GARNL3: variants seen among roughly 807,000 people sequenced by gnomAD.
GARNL3 encodes GTPase-activating Rap/Ran-GAP domain-like protein 3.
A neutral mutation model predicts 125.0 loss-of-function variants in GARNL3; 63 were observed. The observed-to-expected ratio is 0.50, with a 90% CI of 0.41 to 0.62. The LOEUF is 0.62. GARNL3 is among the 20% of genes least tolerant of loss of function. The pLI is 0.00. For missense variants in GARNL3, 994 were observed against 1,244.0 expected (o/e 0.80, Z 3.02); for synonymous variants, 439 against 457.5 (o/e 0.96, Z 0.52).
intron 6 of GARNL3, among the ~76,000 whole-genome samples, chr9:127,321,640 A>G (rs560675424): frequency 6.6e-6 from 1 of 152,204 alleles, no homozygotes; most frequent in Non-Finnish European, 1.5e-5. Flanking sequence ...AATGTCAACC[A>G]AACTTTTGTC....
At chr9:127,259,241 C>T (rs535669537), upstream of GARNL3, among the ~76,000 whole-genome samples, 8 of 152,340 alleles carry the variant, frequency 5.3e-5, no homozygotes, top group South Asian at 1.7e-3. Flanking sequence ...CTAGCTTCTA[C>T]ATGGAGCTGG....
rs1230423736 is a variant in GARNL3 at position 127,336,240 on chromosome 9, T to C, written c.982+4T>C. ...ATGATCCGCTCCCACTTTACACGTA[T>C]CCTGGGCCTTTGTAAATGCTCCAGT... On this transcript the variant is annotated splice_donor_region_variant and intron_variant, in intron 11 of 27. Transcript: ENST00000373387. 3 of 1,602,204 alleles carry C rather than the reference T, an allele frequency of 1.9e-6. No individual in the cohort carries two copies. The highest frequency in any genetic ancestry group is 2.6e-6 in the Non-Finnish European group (3 of 1,169,758).
rs116044197 is a variant in GARNL3, at chr9:127,241,987, C to T, written c.-28-1092C>T. Among the ~76,000 whole-genome samples the T allele has an allele frequency of 8.8e-3, 1,341 of 151,860 alleles. 28 individuals are homozygous for T. Among genetic ancestry groups the T allele is most frequent in the African/African-American group, 0.03 (1,250 of 41,406 alleles). On this transcript the variant is annotated intron_variant, in intron 1 of 10. Coordinates refer to the GARNL3 transcript ENST00000439286. The stretch of plus-strand genomic sequence containing the variant: ...TGTTGTTGTTTGTTTTTTAATATGC[C>T]TGCAGCCTTGGGTCTAACTGGCACC...
At chr9:127,243,946 C>T (rs567147247) in intron 2 of GARNL3, among the ~76,000 whole-genome samples, 13 of 152,328 alleles carry the variant, frequency 8.5e-5, no homozygotes, top group African/African-American at 2.4e-4. Flanking sequence ...TGCAACAACA[C>T]GGTTGACTTC....
At chr9:127,235,243 G>T (rs1024929218) in intron 1 of GARNL3, among the ~76,000 whole-genome samples, 1 of 151,040 alleles carries the variant, frequency 6.6e-6, no homozygotes, top group Non-Finnish European at 1.5e-5. Flanking sequence ...CTCACTTCAG[G>T]CTAGCCACAT....
chr9:127,233,067 A>G lies in GARNL3; in HGVS notation c.-29+8729A>G, dbSNP rs570297959. On this transcript the variant is annotated intron_variant, in intron 1 of 10. Coordinates refer to the GARNL3 transcript ENST00000439286. Reference sequence around the variant, plus strand: ...GACCTTGTCTCAAAAGAAAATAAAAAATAAAAATTAGTTGGGCATGGTATT... The same window carrying G: ...GACCTTGTCTCAAAAGAAAATAAAAGATAAAAATTAGTTGGGCATGGTATT... Among the ~76,000 whole-genome samples the G allele has an allele frequency of 6.8e-4, 104 of 152,182 alleles. 3 individuals carry two copies. In the South Asian group the frequency reaches 0.021, roughly 30 times the overall value.
At chr9:127,333,222 A>G in intron 9 of GARNL3, 101 bp downstream of exon 9, 1 of 891,910 alleles carries the variant, frequency 1.1e-6, no homozygotes, top group Non-Finnish European at 1.8e-6. Flanking sequence ...GAAGGGATGG[A>G]TGAGAGAAGA....
chr9:127,347,077 A>T (rs569287011), intron 16 of GARNL3, among the ~76,000 whole-genome samples: 1 of 152,222 alleles, frequency 6.6e-6, no homozygotes, highest in South Asian at 2.1e-4. Context: ...CAGACCTCAC[A>T]TGGTCACTGG....
rs1832926426 is a variant in GARNL3, at chr9:127,392,595, T to G, written c.2871-488T>G. On this transcript the variant is annotated intron_variant, in intron 27 of 27. Coordinates refer to ENST00000373387, the MANE Select transcript of GARNL3 (RefSeq NM_032293.5). This position sits in a 1 kb window ranked among gnomAD's most constrained non-coding sequence, Gnocchi z 5.2. ...AGCCAGGTGGGCTTTTGCAGGCCAATGAGTATTTGTGGAATGCATTAACTC... is the reference window on the plus strand; with the variant it reads ...AGCCAGGTGGGCTTTTGCAGGCCAAGGAGTATTTGTGGAATGCATTAACTC... Among the ~76,000 whole-genome samples the G allele has an allele frequency of 2.6e-5, 4 of 152,228 alleles. No individual in the cohort carries two copies. Among genetic ancestry groups the G allele is most frequent in the Admixed American group, 6.5e-5 (1 of 15,284 alleles).
chr9:127,308,769 G>A lies in GARNL3; in HGVS notation c.220-2867G>A, dbSNP rs1019459350. 2.6e-5 allele frequency among the ~76,000 whole-genome samples: 4 copies of A among 152,314 alleles called. No individual in the cohort carries two copies. In the South Asian group the frequency reaches 6.2e-4, roughly 24 times the overall value. On this transcript the variant is annotated intron_variant, in intron 2 of 27. Transcript: ENST00000373387. Reference sequence around the variant, plus strand: ...GTTGATAAAGCTCTACTGTGGTTACGTAAGAACATAGCCCTACTCTTGCGA... The same window carrying A: ...GTTGATAAAGCTCTACTGTGGTTACATAAGAACATAGCCCTACTCTTGCGA...
intron 2 of GARNL3, among the ~76,000 whole-genome samples, chr9:127,296,878 A>G (rs1297170730): frequency 6.6e-6 from 1 of 151,818 alleles, no homozygotes; most frequent in Non-Finnish European, 1.5e-5. Flanking sequence ...CAAGTTTCCA[A>G]TCAAGGCTTA....
At chr9:127,258,953 A>G (rs2063538768), upstream of GARNL3, among the ~76,000 whole-genome samples, 1 of 152,162 alleles carries the variant, frequency 6.6e-6, no homozygotes, top group Non-Finnish European at 1.5e-5. Flanking sequence ...TACTTCTCAC[A>G]AATTCTCTCT....
At position 127,333,676 on chromosome 9, in the gene GARNL3, A is replaced by T. The variant is rs1274691595; in HGVS notation, c.769+555A>T. ...GGAGAAGAGAATTCCAAGCAGAGAG[A>T]ACATCCATGAAGACCTTGTGGCAGA... On this transcript the variant is annotated intron_variant, in intron 9 of 27. Transcript: ENST00000373387. Among the ~76,000 whole-genome samples the T allele has an allele frequency of 3.3e-5, 5 of 152,056 alleles. No individual in the cohort carries two copies. The East Asian group carries it at 9.6e-4, about 29-fold the overall frequency.
intron 1 of GARNL3, among the ~76,000 whole-genome samples, chr9:127,276,058 C>G (rs897018690): frequency 6.6e-6 from 1 of 151,940 alleles, no homozygotes. Context: ...TTGTACTCCA[C>G]TGAAACTGCT....
chr9:127,378,602 A>C (rs1293324453), intron 22 of GARNL3, among the ~76,000 whole-genome samples: 2 of 152,056 alleles, frequency 1.3e-5, no homozygotes, highest in Non-Finnish European at 2.9e-5. Flanking sequence ...AAAAAAAAAA[A>C]AAACAGATAA....
chr9:127,231,790 AG>A (rs1279125810), intron 1 of GARNL3, among the ~76,000 whole-genome samples: 1 of 152,214 alleles, frequency 6.6e-6, no homozygotes, highest in African/African-American at 2.4e-5. Context: ...TTGCTAATAC[AG>A]TTCTCAAACA....
At chr9:127,268,738 C>T (rs1305009797) in intron 1 of GARNL3, among the ~76,000 whole-genome samples, 2 of 152,142 alleles carry the variant, frequency 1.3e-5, no homozygotes, top group East Asian at 3.8e-4. Flanking sequence ...TTGGCAGTTC[C>T]TCAAAAAGCT....
chr9:127,302,392 C>T (rs778717515), intron 2 of GARNL3, among the ~76,000 whole-genome samples: 1 of 152,072 alleles, frequency 6.6e-6, no homozygotes, highest in Non-Finnish European at 1.5e-5. Flanking sequence ...AGGAAAAAAA[C>T]TGGAAACAGC....
At chr9:127,245,957 G>C (rs1192153433) in intron 2 of GARNL3, among the ~76,000 whole-genome samples, 1 of 152,144 alleles carries the variant, frequency 6.6e-6, no homozygotes, top group Non-Finnish European at 1.5e-5. Flanking sequence ...GCTTCTCGGT[G>C]CTGTCCAGTG....
Sources: allele counts gnomAD v4.1 joint callset (sites outside exome capture counted in the v4.1 genomes callset), GRCh38; gene constraint gnomAD v4.1.1; non-coding constraint Gnocchi (gnomAD v3.1); transcripts MANE v1.5; gene names NCBI Gene and HGNC (gene_info 2026-07-23, HGNC 2026-07-21).